CAPZA1: variants seen among roughly 807,000 people sequenced by gnomAD.
CAPZA1 encodes capping actin protein of muscle Z-line subunit alpha 1.
Under a neutral mutation model 40.8 loss-of-function variants are expected in CAPZA1, and 10 were observed. The observed-to-expected ratio is 0.25, with a 90% CI of 0.15 to 0.42. The LOEUF (loss-of-function observed/expected upper bound fraction) is 0.42, where lower values mean the gene tolerates loss of function less well. CAPZA1 is among the 10% of genes least tolerant of loss of function. CAPZA1 has a pLI of 1.00. For synonymous variants in CAPZA1, 98 were observed against 115.0 expected (o/e 0.85, Z 0.95); for missense variants, 277 against 353.8 (o/e 0.78, Z 1.74).
intron 1 of CAPZA1, among the ~76,000 whole-genome samples, chr1:112,629,089 C>T (rs970597263): frequency 4.6e-5 from 7 of 152,216 alleles, no homozygotes; most frequent in African/African-American, 9.6e-5. Flanking sequence ...GCTCAAAGCC[C>T]TCCGGTGGCT....
intron 8 of CAPZA1, among the ~76,000 whole-genome samples, chr1:112,669,093 G>T (rs935429690): frequency 2.0e-5 from 3 of 152,130 alleles, no homozygotes; most frequent in Non-Finnish European, 2.9e-5. Context: ...ATCATAAGTG[G>T]CAAATAAAGG....
At chr1:112,648,347 C>CTTTTTTTTTTTTTTTTTT (rs35670246) in intron 2 of CAPZA1, among the ~76,000 whole-genome samples, 2 of 99,386 alleles carry the variant, frequency 2.0e-5, no homozygotes, top group Non-Finnish European at 4.1e-5. Flanking sequence ...TTGAATTTTT[C>CTTTTTTTTTTTTTTTTTT]TTTTTTTTTT....
chr1:112,640,184 A>G (rs1212327709), intron 1 of CAPZA1, among the ~76,000 whole-genome samples: 1 of 90,666 alleles, frequency 1.1e-5, no homozygotes, highest in African/African-American at 4.6e-5. Context: ...TCCGGGAGGG[A>G]GGTGGGGGGG....
At chr1:112,663,455 AT>A (rs1671659962) in intron 7 of CAPZA1, among the ~76,000 whole-genome samples, 1 of 152,110 alleles carries the variant, frequency 6.6e-6, no homozygotes, top group Admixed American at 6.5e-5. Context: ...CTGATTTTAC[AT>A]GTAAGTATTA....
intron 3 of CAPZA1, among the ~76,000 whole-genome samples, chr1:112,650,230 C>T (rs1671357461): frequency 6.6e-6 from 1 of 152,102 alleles, no homozygotes; most frequent in Admixed American, 6.6e-5. Flanking sequence ...ATCATAAAGT[C>T]ATTGGGTATG....
intron 5 of CAPZA1, among the ~76,000 whole-genome samples, chr1:112,658,682 C>A (rs1396330556): frequency 6.6e-6 from 1 of 152,188 alleles, no homozygotes; most frequent in Admixed American, 6.5e-5. Context: ...ACCTGACAGT[C>A]TTGTTCACTG....
chr1:112,665,984 C>T (rs1671716727), intron 7 of CAPZA1, among the ~76,000 whole-genome samples: 1 of 152,166 alleles, frequency 6.6e-6, no homozygotes, highest in Admixed American at 6.5e-5. Context: ...CGTGTGTCAC[C>T]TATAATAGGA....
At chr1:112,658,220 C>T (rs921691298) in intron 5 of CAPZA1, among the ~76,000 whole-genome samples, 1 of 151,990 alleles carries the variant, frequency 6.6e-6, no homozygotes, top group Admixed American at 6.6e-5. Context: ...CATTTCCATT[C>T]ACCTCTCCCA....
chr1:112,671,586 C>A lies in CAPZA1; in HGVS notation c.*1454C>A, dbSNP rs1671835430. 1 of 152,582 alleles carries A rather than the reference C, an allele frequency of 6.6e-6. No homozygotes were observed. The highest frequency in any genetic ancestry group is 1.5e-5 in the Non-Finnish European group (1 of 68,032). 9.5% of individuals were successfully genotyped at this position (152,582 alleles called of 1,614,324 possible). On this transcript the variant is annotated 3_prime_UTR_variant, in exon 10 of 10. Coordinates refer to ENST00000263168, the MANE Select transcript of CAPZA1 (RefSeq NM_006135.3). Reference sequence around the variant, plus strand: ...CACACTATCTTCTGTATCAGGTAGTCTAATAGAAATATACCTGTTTTGTTC... The same window carrying A: ...CACACTATCTTCTGTATCAGGTAGTATAATAGAAATATACCTGTTTTGTTC...
chr1:112,623,003 A>C (rs1670709237), intron 1 of CAPZA1, among the ~76,000 whole-genome samples: 2 of 151,422 alleles, frequency 1.3e-5, no homozygotes, highest in African/African-American at 4.9e-5. Flanking sequence ...CTCCTGCCTC[A>C]GCATCCCAAG....
intron 1 of CAPZA1, among the ~76,000 whole-genome samples, chr1:112,635,711 C>T (rs1671001546): frequency 6.6e-6 from 1 of 152,060 alleles, no homozygotes; most frequent in Admixed American, 6.5e-5. Context: ...TGTGAGCCAC[C>T]GTGCCCGGCC....
rs549800588 is a variant in CAPZA1 at position 112,653,810 on chromosome 1, C to T, written c.219+149C>T. The T allele has an allele frequency of 1.6e-5, 9 of 571,030 alleles. No individual in the cohort carries two copies. The East Asian group carries it at 2.4e-4, about 15-fold the overall frequency. 35.4% of individuals were successfully genotyped at this position (571,030 alleles called of 1,614,324 possible). A position where few individuals can be genotyped will look rare whatever the true frequency, so the allele number is the denominator to read the frequency against. On this transcript the variant is annotated intron_variant, in intron 4 of 9. Transcript: ENST00000263168. ...GTACTGTACGTGTTAGGATATTCTT[C>T]TCTTTCTCATAACACTAGCAGTTTC...
intron 3 of CAPZA1, among the ~76,000 whole-genome samples, chr1:112,653,225 A>T (rs572661004): frequency 1.4e-4 from 21 of 152,312 alleles, no homozygotes; most frequent in Admixed American, 3.3e-4. Flanking sequence ...CCAGCTACTC[A>T]GGAAACAGAT....
chr1:112,640,091 A>G (rs1671115135), intron 1 of CAPZA1, among the ~76,000 whole-genome samples: 1 of 109,838 alleles, frequency 9.1e-6, no homozygotes, highest in South Asian at 3.5e-4. Flanking sequence ...CCTACTGGGA[A>G]GTGAGGAGCC....
At chr1:112,643,060 C>T (rs1214956863) in intron 1 of CAPZA1, among the ~76,000 whole-genome samples, 2 of 151,482 alleles carry the variant, frequency 1.3e-5, no homozygotes, top group Non-Finnish European at 1.5e-5. Flanking sequence ...GGGGATAGAC[C>T]ATAGCTCACT....
At chr1:112,652,014 G>A (rs970844729) in intron 3 of CAPZA1, among the ~76,000 whole-genome samples, 6 of 152,042 alleles carry the variant, frequency 3.9e-5, no homozygotes, top group Non-Finnish European at 5.9e-5. Flanking sequence ...CCAGTTACTT[G>A]GGAGGCTGAG....
At chr1:112,659,586 C>CTTTTTTTTTTTTTTTTTTTTTTTT in intron 6 of CAPZA1, 115 bp from the exon 7 acceptor site, 1 of 495,136 alleles carries the variant, frequency 2.0e-6, no homozygotes, top group Non-Finnish European at 3.4e-6. Flanking sequence ...CTCTCTCTCT[C>CTTTTTTTTTTTTTTTTTTTTTTTT]TTTTTTTTTT....
At chr1:112,627,100 C>T (rs1200523410) in intron 1 of CAPZA1, among the ~76,000 whole-genome samples, 2 of 152,220 alleles carry the variant, frequency 1.3e-5, no homozygotes, top group Non-Finnish European at 2.9e-5. Flanking sequence ...GGCACAGGCA[C>T]ATTTGAGGTT....
At chr1:112,667,194 T>C (rs774685675) in intron 8 of CAPZA1, 49 bp downstream of exon 8, 1 of 1,356,392 alleles carries the variant, frequency 7.4e-7, no homozygotes, top group Non-Finnish European at 1.0e-6. Flanking sequence ...TCGTTTTTCT[T>C]TAAAAAATTA....
Sources: gnomAD v4.1 joint callset for allele counts (sites outside exome capture counted in the v4.1 genomes callset) on GRCh38, gnomAD v4.1.1 for gene constraint, MANE v1.5 for transcripts, NCBI Gene and HGNC (gene_info 2026-07-23, HGNC 2026-07-21) for gene names.